Variants in CDON observed in about 807,000 individuals in gnomAD.
CDON encodes cell adhesion associated, oncogene regulated.
A neutral mutation model predicts 120.9 loss-of-function variants in CDON; 73 were observed. The observed-to-expected ratio is 0.60, with a 90% CI of 0.50 to 0.73. CDON has a LOEUF of 0.73. CDON is among the 30% of genes least tolerant of loss of function. The pLI is 0.00. For synonymous variants in CDON, 566 were observed against 573.5 expected (o/e 0.99, Z 0.19); for missense variants, 1,470 against 1,587.3 (o/e 0.93, Z 1.26).
At chr11:125,990,180 C>T (rs1461138367) in intron 14 of CDON, among the ~76,000 whole-genome samples, 1 of 152,180 alleles carries the variant, frequency 6.6e-6, no homozygotes, top group African/African-American at 2.4e-5. Context: ...AAAAGGTACA[C>T]TACCCAGAGC....
rs1362893511 is a variant in CDON, at chr11:126,048,293, A to AAAAAAG, written c.-62+14285_-62+14286insCTTTTT. 1.4e-4 allele frequency among the ~76,000 whole-genome samples: 21 copies of AAAAAAG among 151,800 alleles called. 1 individual carries two copies. Among genetic ancestry groups the AAAAAAG allele is most frequent in the Admixed American group, 2.6e-4 (4 of 15,210 alleles). On this transcript the variant is annotated intron_variant, in intron 1 of 19. Coordinates refer to ENST00000531738, the MANE Select transcript of CDON (RefSeq NM_001378964.1). The stretch of plus-strand genomic sequence containing the variant: ...GTGAGACTCTGTCTCAAAAAAAAAA[A>AAAAAAG]AAAGAAAAGAAATGGTCTTCTTCAG...
chr11:126,009,067 G>C (rs1041787628), intron 8 of CDON, among the ~76,000 whole-genome samples: 13 of 152,174 alleles, frequency 8.5e-5, no homozygotes, highest in African/African-American at 3.1e-4. Flanking sequence ...TGAGGAAACA[G>C]AACAGAGAAG....
At chr11:126,044,073 G>C (rs950035193) in intron 1 of CDON, among the ~76,000 whole-genome samples, 5 of 152,180 alleles carry the variant, frequency 3.3e-5, no homozygotes, top group African/African-American at 1.2e-4. Context: ...CAGGTAAAAA[G>C]AAACGTGGGA....
intron 1 of CDON, among the ~76,000 whole-genome samples, chr11:126,032,561 T>C (rs925167194): frequency 2.5e-4 from 38 of 152,248 alleles, no homozygotes; most frequent in African/African-American, 8.9e-4. Context: ...TCCCGTACCT[T>C]TGAAAAATCG....
At chr11:126,009,291 T>C (rs1250179446) in intron 8 of CDON, among the ~76,000 whole-genome samples, 1 of 152,202 alleles carries the variant, frequency 6.6e-6, no homozygotes, top group East Asian at 1.9e-4. Flanking sequence ...TATGTGCACA[T>C]ACGAACTCTT....
At chr11:126,030,430 T>C (rs1004827656) in intron 1 of CDON, among the ~76,000 whole-genome samples, 2 of 152,232 alleles carry the variant, frequency 1.3e-5, no homozygotes, top group Admixed American at 6.5e-5. Flanking sequence ...TTTCAAACTT[T>C]CTTGTAGTTT....
intron 1 of CDON, among the ~76,000 whole-genome samples, chr11:126,043,170 A>G (rs1948311802): frequency 6.6e-6 from 1 of 152,212 alleles, no homozygotes; most frequent in Non-Finnish European, 1.5e-5. Flanking sequence ...CTTTGCAAAA[A>G]GCAACCAATC....
chr11:126,013,104 G>C (rs1190715419), intron 7 of CDON, among the ~76,000 whole-genome samples: 1 of 152,134 alleles, frequency 6.6e-6, no homozygotes, highest in Admixed American at 6.5e-5. Context: ...TCCATCTCTA[G>C]TGAGATAATC....
intron 1 of CDON, among the ~76,000 whole-genome samples, chr11:126,035,492 T>C (rs912456762): frequency 6.6e-6 from 1 of 152,138 alleles, no homozygotes; most frequent in East Asian, 1.9e-4. Flanking sequence ...TTCAAACTGG[T>C]AATGGGAATT....
chr11:125,981,391 T>TACGCACACACGCATGCACAC (rs1433293816), intron 16 of CDON, 62 bp from the exon 17 acceptor site: 2 of 1,535,032 alleles, frequency 1.3e-6, no homozygotes, highest in African/African-American at 2.8e-5. Context: ...CACATGCACA[T>TACGCACACACGCATGCACAC]ACGCACACAC....
intron 1 of CDON, among the ~76,000 whole-genome samples, chr11:126,027,969 CTTTTTT>C (rs769832631): frequency 1.6e-5 from 2 of 125,782 alleles, no homozygotes; most frequent in Non-Finnish European, 3.3e-5. Context: ...ATCACTCTGC[CTTTTTT>C]TTTTTTTTTT....
chr11:126,000,709 C>T (rs1946919087), intron 11 of CDON, among the ~76,000 whole-genome samples: 1 of 152,042 alleles, frequency 6.6e-6, no homozygotes, highest in Non-Finnish European at 1.5e-5. Flanking sequence ...GATAAGAGCA[C>T]TCAAGTAAAA....
At chr11:125,987,675 T>A (rs1051215878) in intron 15 of CDON, among the ~76,000 whole-genome samples, 1 of 152,238 alleles carries the variant, frequency 6.6e-6, no homozygotes, top group South Asian at 2.1e-4. Flanking sequence ...ATAACAGTTA[T>A]AATGTTTTAT....
At chr11:125,988,425 G>C (rs1946528816) in intron 15 of CDON, among the ~76,000 whole-genome samples, 1 of 152,102 alleles carries the variant, frequency 6.6e-6, no homozygotes, top group Non-Finnish European at 1.5e-5. Flanking sequence ...GCCCAGACTG[G>C]AGTGCAGTGG....
chr11:125,998,454 C>CA (rs1946849387), intron 11 of CDON, among the ~76,000 whole-genome samples: 1 of 152,082 alleles, frequency 6.6e-6, no homozygotes, highest in Non-Finnish European at 1.5e-5. Flanking sequence ...CCTTTCCCAC[C>CA]ATGTGATGTG....
intron 7 of CDON, among the ~76,000 whole-genome samples, chr11:126,014,104 T>A (rs937014426): frequency 2.0e-5 from 3 of 152,148 alleles, no homozygotes; most frequent in Non-Finnish European, 4.4e-5. Context: ...CTAAATAACT[T>A]ACACTAATGT....
intron 1 of CDON, among the ~76,000 whole-genome samples, chr11:126,024,216 C>A (rs529656350): frequency 6.6e-6 from 1 of 152,102 alleles, no homozygotes; most frequent in Non-Finnish European, 1.5e-5. Context: ...TGGTAAAGAT[C>A]GTGGGATTTA....
intron 18 of CDON, among the ~76,000 whole-genome samples, chr11:125,976,243 AAGGT>A (rs1218317542): frequency 2.0e-5 from 3 of 152,194 alleles, no homozygotes; most frequent in African/African-American, 7.2e-5. Flanking sequence ...TCTAGAGCTG[AAGGT>A]AGGTACTTAT....
Position 125,984,081 on chromosome 11 carries a change from G to T in CDON, c.2786C>A (p.Pro929His). The stretch of plus-strand genomic sequence containing the variant: ...TTTGACAGGATATTCAGAAGCTCCA[G>T]GAACACGTTTCACTAGTTGAAATAT... ...MICETKVKRV[P>H]GASEYPVKDL... Residue 929 changes from proline to histidine, a missense_variant, in exon 16 of 20, where the codon CCT becomes CAT. By Grantham distance (77) the Pro-to-His change is moderately conservative. Coordinates refer to ENST00000531738, the MANE Select transcript of CDON (RefSeq NM_001378964.1). 6.2e-7 allele frequency: 1 copy of T among 1,610,384 alleles called. No individual in the cohort carries two copies. Among genetic ancestry groups the T allele is most frequent in the South Asian group, 1.1e-5 (1 of 90,996 alleles).
Sources: allele counts gnomAD v4.1 joint callset (sites outside exome capture counted in the v4.1 genomes callset), GRCh38; gene constraint gnomAD v4.1.1; transcripts MANE v1.5; gene names NCBI Gene and HGNC (gene_info 2026-07-23, HGNC 2026-07-21).